Variants in UNC13C observed in about 807,000 individuals in gnomAD.
UNC13C encodes the protein unc-13 homolog C, also known as protein unc-13 homolog C.
In UNC13C, 174 loss-of-function variants were observed where a neutral mutation model predicts 245.4. That is an observed-to-expected ratio of 0.71 (90% CI 0.63 to 0.80). The LOEUF (loss-of-function observed/expected upper bound fraction) is 0.80, where lower values mean the gene tolerates loss of function less well. UNC13C is among the 30% of genes least tolerant of loss of function. The pLI, the probability that UNC13C is intolerant of heterozygous loss-of-function variation, is 0.00. For missense variants in UNC13C, 2,829 were observed against 2,602.9 expected (o/e 1.09, Z -1.89); for synonymous variants, 992 against 895.1 (o/e 1.11, Z -1.93).
At chr15:54,122,990 C>A (rs773117068) in intron 2 of UNC13C, among the ~76,000 whole-genome samples, 1 of 151,950 alleles carries the variant, frequency 6.6e-6, no homozygotes, top group African/African-American at 2.4e-5. Flanking sequence ...GGTTATATGG[C>A]AAACGTATGT....
At chr15:54,082,508 C>T (rs1899003579) in intron 2 of UNC13C, among the ~76,000 whole-genome samples, 1 of 151,966 alleles carries the variant, frequency 6.6e-6, no homozygotes, top group Admixed American at 6.6e-5. Flanking sequence ...GTGTTCATTT[C>T]AACTTTCTCT....
intron 30 of UNC13C, among the ~76,000 whole-genome samples, chr15:54,572,215 A>G (rs925181207): frequency 6.6e-6 from 1 of 152,060 alleles, no homozygotes; most frequent in African/African-American, 2.4e-5. Context: ...GAGGACAAGT[A>G]AAAAGGCTCA....
chr15:54,086,737 CTTTTTT>C (rs57209912), intron 2 of UNC13C, among the ~76,000 whole-genome samples: 1 of 92,012 alleles, frequency 1.1e-5, no homozygotes, highest in Non-Finnish European at 2.1e-5. Context: ...TATTTTCTTT[CTTTTTT>C]TTTTTTTTTT....
chr15:54,391,995 A>C (rs1381873274), intron 17 of UNC13C, among the ~76,000 whole-genome samples: 1 of 152,116 alleles, frequency 6.6e-6, no homozygotes, highest in East Asian at 1.9e-4. Flanking sequence ...GTTTGGGCCA[A>C]ATACAATCTA....
chr15:54,264,721 A>C (rs1204987681), intron 9 of UNC13C, among the ~76,000 whole-genome samples: 1 of 151,846 alleles, frequency 6.6e-6, no homozygotes, highest in East Asian at 1.9e-4. Flanking sequence ...CTGTTCAGTT[A>C]ATCTTTTTAA....
At chr15:54,466,435 C>T (rs77526015) in intron 19 of UNC13C, among the ~76,000 whole-genome samples, 3,308 of 151,830 alleles carry the variant, frequency 0.022, 109 homozygotes, top group African/African-American at 0.074. Context: ...ATCTCATGTA[C>T]CCCATTAATG....
chr15:53,986,205 C>T (rs572481677), intron 1 of UNC13C, among the ~76,000 whole-genome samples: 1 of 152,002 alleles, frequency 6.6e-6, no homozygotes, highest in African/African-American at 2.4e-5. Context: ...AAAGAGTGAA[C>T]AAAAGGTCTG....
At chr15:54,093,903 G>T (rs1899705831) in intron 2 of UNC13C, among the ~76,000 whole-genome samples, 1 of 152,176 alleles carries the variant, frequency 6.6e-6, no homozygotes, top group Admixed American at 6.5e-5. Context: ...TTAAAAATCT[G>T]AATTACTTCT....
intron 19 of UNC13C, among the ~76,000 whole-genome samples, chr15:54,447,722 C>G (rs767109860): frequency 4.6e-5 from 7 of 152,078 alleles, no homozygotes; most frequent in Non-Finnish European, 8.8e-5. Context: ...TCAAAAAAAC[C>G]AGCTCCTGGA....
intron 30 of UNC13C, among the ~76,000 whole-genome samples, chr15:54,597,257 G>A (rs866699515): frequency 2.0e-5 from 3 of 152,142 alleles, no homozygotes; most frequent in South Asian, 2.1e-4. Flanking sequence ...GCCACAGACC[G>A]GTATCATTCC....
intron 17 of UNC13C, among the ~76,000 whole-genome samples, chr15:54,357,439 A>G (rs1440078815): frequency 6.6e-6 from 1 of 152,004 alleles, no homozygotes; most frequent in Non-Finnish European, 1.5e-5. Context: ...TGAAATATTA[A>G]ATTTGAAAAT....
rs1894358898 is a variant in UNC13C at position 54,504,084 on chromosome 15, A to G, written c.5302-3033A>G. On this transcript the variant is annotated intron_variant, in intron 22 of 32. Coordinates refer to ENST00000260323, the MANE Select transcript of UNC13C (RefSeq NM_001080534.3). ...AGCTATGATGAGTGATAAAATGGGC[A>G]CATGAGTAGTTAATATTCCTATGAT... Among the ~76,000 whole-genome samples, 5 of 152,318 alleles carry G rather than the reference A, an allele frequency of 3.3e-5. 1 individual carries two copies. The South Asian group carries it at 1.0e-3, about 32-fold the overall frequency.
intron 1 of UNC13C, among the ~76,000 whole-genome samples, chr15:54,005,005 T>A (rs982502092): frequency 6.6e-6 from 1 of 152,160 alleles, no homozygotes; most frequent in Non-Finnish European, 1.5e-5. Context: ...AGAAGCTTTT[T>A]AACTTGATGT....
At chr15:53,958,042 G>A in the UNC13C span, among the ~76,000 whole-genome samples, 1 of 152,028 alleles carries the variant, frequency 6.6e-6, no homozygotes, top group Admixed American at 6.6e-5. Flanking sequence ...ATTTCTAGAG[G>A]ACTTTAAAAG....
intron 1 of UNC13C, among the ~76,000 whole-genome samples, chr15:53,981,941 T>C (rs544428425): frequency 6.6e-6 from 1 of 152,314 alleles, no homozygotes; most frequent in African/African-American, 2.4e-5. Flanking sequence ...AGTCTCAGCA[T>C]ACAGAAATTA....
chr15:54,295,309 AGTT>A (rs2037400397), intron 11 of UNC13C, among the ~76,000 whole-genome samples: 1 of 152,174 alleles, frequency 6.6e-6, no homozygotes, highest in African/African-American at 2.4e-5. Context: ...GAGGCAGTAA[AGTT>A]GTAATTCAGA....
intron 24 of UNC13C, among the ~76,000 whole-genome samples, chr15:54,524,851 G>T (rs1895376992): frequency 1.3e-5 from 2 of 152,132 alleles, no homozygotes; most frequent in Middle Eastern, 3.2e-3. Context: ...AATTTCTAAA[G>T]GTAGAAAGAA....
At chr15:54,248,131 T>TA (rs1235802141) in intron 7 of UNC13C, among the ~76,000 whole-genome samples, 4 of 152,236 alleles carry the variant, frequency 2.6e-5, no homozygotes, top group African/African-American at 9.6e-5. Context: ...GTACATTACT[T>TA]ACTTTTCTTC....
At chr15:54,393,787 A>T (rs142848293) in intron 18 of UNC13C, among the ~76,000 whole-genome samples, 2 of 151,926 alleles carry the variant, frequency 1.3e-5, no homozygotes, top group African/African-American at 4.8e-5. Context: ...CAAATTATCT[A>T]ATTTCCCTGG....
Sources: allele counts gnomAD v4.1 joint callset (sites outside exome capture counted in the v4.1 genomes callset), GRCh38; gene constraint gnomAD v4.1.1; transcripts MANE v1.5; gene names NCBI Gene and HGNC (gene_info 2026-07-23, HGNC 2026-07-21).